PDE1C: variants seen among roughly 807,000 people sequenced by gnomAD.
The protein encoded by PDE1C is dual specificity calcium/calmodulin-dependent 3',5'-cyclic nucleotide phosphodiesterase 1C.
In PDE1C, 62 loss-of-function variants were observed where a neutral mutation model predicts 93.1. The ratio of observed to expected loss-of-function variants is 0.67; its 90% CI spans 0.54 to 0.82. The LOEUF is 0.82. Ranked by LOEUF, PDE1C falls within the 40% of genes least tolerant of loss-of-function variation. The pLI, the probability that PDE1C is intolerant of heterozygous loss-of-function variation, is 0.00. For missense variants in PDE1C, 742 were observed against 884.6 expected, an observed-to-expected ratio of 0.84 and a Z score of 2.04; for synonymous variants, 325 against 310.1, an observed-to-expected ratio of 1.05 and a Z score of -0.50.
intron 1 of PDE1C, among the ~76,000 whole-genome samples, chr7:32,396,989 G>C (rs1288107499): frequency 6.6e-6 from 1 of 152,074 alleles, no homozygotes; most frequent in Non-Finnish European, 1.5e-5. Flanking sequence ...ACTTAAAAAG[G>C]ATCAGAGACC....
At chr7:32,356,683 G>A (rs1267086975) in intron 1 of PDE1C, among the ~76,000 whole-genome samples, 2 of 152,152 alleles carry the variant, frequency 1.3e-5, no homozygotes, top group Admixed American at 1.3e-4. Context: ...TTAGCTGATG[G>A]TCTGTTAGTT....
intron 2 of PDE1C, among the ~76,000 whole-genome samples, chr7:31,961,196 A>C (rs1301230302): frequency 6.6e-6 from 1 of 152,060 alleles, no homozygotes. Context: ...AGTAGAAAAC[A>C]AACAAAATGT....
the PDE1C span, among the ~76,000 whole-genome samples, chr7:31,654,313 T>C: frequency 5.3e-5 from 8 of 152,086 alleles, no homozygotes; most frequent in Non-Finnish European, 1.0e-4. Flanking sequence ...GATGTAGAGA[T>C]AGCCAGTGCT....
chr7:31,674,422 G>A, the PDE1C span, among the ~76,000 whole-genome samples: 3 of 152,142 alleles, frequency 2.0e-5, no homozygotes, highest in Non-Finnish European at 2.9e-5. Context: ...TTTACATAAC[G>A]AAATGTTAGA....
chr7:31,717,242 ATTTC>A, the PDE1C span, among the ~76,000 whole-genome samples: 2 of 152,256 alleles, frequency 1.3e-5, no homozygotes, highest in Non-Finnish European at 2.9e-5. Flanking sequence ...ACTATTTTGA[ATTTC>A]TTTATACATT....
At chr7:32,094,718 G>A (rs553823858) in intron 3 of PDE1C, among the ~76,000 whole-genome samples, 1 of 152,262 alleles carries the variant, frequency 6.6e-6, no homozygotes, top group East Asian at 1.9e-4. Flanking sequence ...CGTGATGATG[G>A]GCTCCCAGTT....
At chr7:32,052,262 C>A in intron 1 of PDE1C, 1 of 470,330 alleles carries the variant, frequency 2.1e-6, no homozygotes, top group East Asian at 6.1e-5. Flanking sequence ...TTCCAGCCCA[C>A]GTCTGTTATT....
chr7:31,620,738 C>A, the PDE1C span, among the ~76,000 whole-genome samples: 1 of 152,034 alleles, frequency 6.6e-6, no homozygotes, highest in Non-Finnish European at 1.5e-5. Flanking sequence ...TCCTCACCAG[C>A]AATGGAACAA....
In PDE1C at chr7:31,837,248, G is replaced by A; in HGVS notation, c.1135C>T (p.His379Tyr). The change falls in exon 11 of 18, where the codon CAT becomes TAT. Residue 379 changes from histidine to tyrosine, a missense_variant. His to Tyr is a moderately conservative substitution (Grantham distance 83). Around this residue, in one of 4 missense-constraint regions of PDE1C, gnomAD observed 454 missense variants for 459.4 expected, o/e 0.99. Transcript: ENST00000396191. ...TGGAGGTCCCATGCTTTTGCTGGATGGCTAATATCTGCTGTATGCAGCATA... is the reference window on the plus strand; with the variant it reads ...TGGAGGTCCCATGCTTTTGCTGGATAGCTAATATCTGCTGTATGCAGCATA... Reference protein sequence around the residue: ...SLMLHTADISHPAKAWDLHHR... With the variant: ...SLMLHTADISYPAKAWDLHHR... 2 of 1,613,738 alleles carry A rather than the reference G, an allele frequency of 1.2e-6. No individual in the cohort carries two copies. Among genetic ancestry groups the A allele is most frequent in the African/African-American group, 2.7e-5 (2 of 75,036 alleles).
At chr7:31,856,247 T>C (rs937403568) in intron 7 of PDE1C, among the ~76,000 whole-genome samples, 1 of 152,212 alleles carries the variant, frequency 6.6e-6, no homozygotes, top group African/African-American at 2.4e-5. Context: ...TGTTCTCCAT[T>C]CATCAGAATG....
At chr7:31,864,410 G>C (rs1795034237) in intron 7 of PDE1C, among the ~76,000 whole-genome samples, 1 of 152,042 alleles carries the variant, frequency 6.6e-6, no homozygotes, top group Admixed American at 6.6e-5. Context: ...CTAAAATGTT[G>C]GGCCAAAAGA....
chr7:31,839,050 A>ATT lies in PDE1C; in HGVS notation c.981-1080_981-1079insAA, dbSNP rs528941960. ...TATATTATATACACATATATTTCATACATATATACATATTTATTATATACA... is the reference window on the plus strand; with the variant it reads ...TATATTATATACACATATATTTCATATTCATATATACATATTTATTATATACA... On this transcript the variant is annotated intron_variant, in intron 9 of 17. Coordinates refer to ENST00000396191, the MANE Select transcript of PDE1C (RefSeq NM_001191057.4). Among the ~76,000 whole-genome samples the ATT allele has an allele frequency of 5.3e-3, 783 of 148,380 alleles. 8 individuals carry two copies. Among genetic ancestry groups the ATT allele is most frequent in the African/African-American group, 0.015 (631 of 40,892 alleles).
chr7:32,112,832 G>GTC (rs1798733753), intron 3 of PDE1C, among the ~76,000 whole-genome samples: 1 of 57,812 alleles, frequency 1.7e-5, no homozygotes, highest in African/African-American at 9.5e-5. Context: ...GTGTGTGTGT[G>GTC]TGTGTGTGTG....
chr7:32,058,337 C>T lies in PDE1C; in HGVS notation c.102-6757G>A, dbSNP rs376724423. ...AAGGGATAGGACATTGAAAGACAGG[C>T]TCAGATAAAAACAAAATGCACAGCA... is the stretch of plus-strand genomic sequence containing the variant. On this transcript the variant is annotated intron_variant, in intron 1 of 17. Transcript: ENST00000396191. Among the ~76,000 whole-genome samples, 6 of 152,290 alleles carry T rather than the reference C, an allele frequency of 3.9e-5. No individual in the cohort carries two copies. The East Asian group carries it at 9.7e-4, about 25-fold the overall frequency.
At chr7:31,741,730 A>C in the PDE1C span, among the ~76,000 whole-genome samples, 2 of 152,280 alleles carry the variant, frequency 1.3e-5, no homozygotes, top group African/African-American at 4.8e-5. Flanking sequence ...GTGGCTCATC[A>C]TAGGGATCAG....
intron 3 of PDE1C, among the ~76,000 whole-genome samples, chr7:32,140,521 G>T (rs1800457826): frequency 6.6e-6 from 1 of 152,184 alleles, no homozygotes; most frequent in African/African-American, 2.4e-5. Context: ...AACAATTAAA[G>T]CTGTGATTCA....
chr7:32,049,505 T>C (rs1336236179), intron 2 of PDE1C, among the ~76,000 whole-genome samples: 2 of 152,140 alleles, frequency 1.3e-5, no homozygotes, highest in African/African-American at 2.4e-5. Flanking sequence ...GGGGCTTTAC[T>C]GGCCCAAATA....
chr7:32,088,308 GTTTAAA>G lies in PDE1C; in HGVS notation c.308+81471_308+81476del, dbSNP rs1346350191. Among the ~76,000 whole-genome samples, 4 of 152,304 alleles carry G rather than the reference GTTTAAA, an allele frequency of 2.6e-5. No homozygotes were observed. The South Asian group carries it at 6.2e-4, about 24-fold the overall frequency. ...TTTTTTTAATACCAGTTAAGCAGGT[GTTTAAA>G]TTTAAGAGTTTATCAGAGTTTGCTC... On this transcript the variant is annotated intron_variant, in intron 3 of 18. Transcript: ENST00000396193.
intron 1 of PDE1C, among the ~76,000 whole-genome samples, chr7:32,322,321 A>G (rs1008554985): frequency 6.6e-5 from 10 of 152,188 alleles, no homozygotes; most frequent in African/African-American, 2.4e-4. Flanking sequence ...CATGTTAGCC[A>G]GGCACAGTGA....
Sources: gnomAD v4.1 joint callset for allele counts (sites outside exome capture counted in the v4.1 genomes callset) on GRCh38, gnomAD v4.1.1 for gene constraint, gnomAD v4.1.1 regional missense constraint, MANE v1.5 for transcripts, NCBI Gene and HGNC (gene_info 2026-07-23, HGNC 2026-07-21) for gene names.